SIPA1L3: variants seen among roughly 807,000 people sequenced by gnomAD.
SIPA1L3 encodes the protein signal induced proliferation associated 1 like 3.
In SIPA1L3, 59 loss-of-function variants were observed where a neutral mutation model predicts 150.1. The observed-to-expected ratio is 0.39, with a 90% CI of 0.32 to 0.49. The LOEUF (loss-of-function observed/expected upper bound fraction) is 0.49, where lower values mean the gene tolerates loss of function less well. Among genes scored for constraint, SIPA1L3 ranks in the 20% least tolerant of loss-of-function variants. SIPA1L3 has a pLI of 0.86. For missense variants in SIPA1L3, 2,211 were observed against 2,489.5 expected (o/e 0.89, Z 2.38); for synonymous variants, 1,070 against 1,077.6 (o/e 0.99, Z 0.14).
chr19:38,111,759 C>A (rs930613391), intron 8 of SIPA1L3, among the ~76,000 whole-genome samples: 1 of 152,252 alleles, frequency 6.6e-6, no homozygotes, highest in African/African-American at 2.4e-5. Flanking sequence ...GGCCACCTCT[C>A]CCCCTGCCCA....
At chr19:38,141,871 G>A (rs772068647) in intron 11 of SIPA1L3, among the ~76,000 whole-genome samples, 20 of 152,188 alleles carry the variant, frequency 1.3e-4, no homozygotes, top group Non-Finnish European at 2.8e-4. Flanking sequence ...GGTCCCAGCT[G>A]CCCAAGAGGC....
chr19:37,929,759 C>T (rs1205553979), intron 1 of SIPA1L3, among the ~76,000 whole-genome samples: 1 of 152,168 alleles, frequency 6.6e-6, no homozygotes, highest in Non-Finnish European at 1.5e-5. Context: ...GTGCTTACCC[C>T]CAGGGGCCAG....
At chr19:37,923,758 T>G (rs998080290) in intron 1 of SIPA1L3, among the ~76,000 whole-genome samples, 5 of 149,818 alleles carry the variant, frequency 3.3e-5, no homozygotes, top group Non-Finnish European at 3.0e-5. Context: ...CTGTTTGGGT[T>G]TTTTTTTTTT....
chr19:38,183,650 G>C (rs1330394565), intron 16 of SIPA1L3, among the ~76,000 whole-genome samples: 1 of 152,244 alleles, frequency 6.6e-6, no homozygotes, highest in Admixed American at 6.5e-5. Flanking sequence ...GGTCAGGCTG[G>C]AGGGAGAACT....
intron 2 of SIPA1L3, among the ~76,000 whole-genome samples, chr19:38,067,841 C>T (rs867147825): frequency 1.3e-5 from 2 of 152,010 alleles, no homozygotes; most frequent in African/African-American, 2.4e-5. Context: ...CTTTCACAGC[C>T]GTGGCTGAGA....
chr19:37,991,368 A>T (rs1343441371), intron 1 of SIPA1L3, among the ~76,000 whole-genome samples: 2 of 152,340 alleles, frequency 1.3e-5, no homozygotes, highest in African/African-American at 4.8e-5. Context: ...AGATGGCTGG[A>T]CAGGGCCAAA....
intron 1 of SIPA1L3, among the ~76,000 whole-genome samples, chr19:37,911,090 T>C (rs894716186): frequency 1.3e-5 from 2 of 152,062 alleles, no homozygotes; most frequent in Non-Finnish European, 2.9e-5. Flanking sequence ...TCGCCAGAGA[T>C]AACCATTTAT....
chr19:38,116,273 T>C (rs986689194), intron 8 of SIPA1L3, among the ~76,000 whole-genome samples: 13 of 150,152 alleles, frequency 8.7e-5, no homozygotes, highest in Non-Finnish European at 7.4e-5. Context: ...ACTTTGGAAG[T>C]CCGAGGCGGG....
At chr19:37,908,556 T>A (rs1013040594) in intron 1 of SIPA1L3, among the ~76,000 whole-genome samples, 1 of 152,058 alleles carries the variant, frequency 6.6e-6, no homozygotes, top group Non-Finnish European at 1.5e-5. Context: ...TCATGTTTAG[T>A]GCTTTGCACA....
chr19:37,999,793 G>T (rs1234974642), intron 1 of SIPA1L3, among the ~76,000 whole-genome samples: 9 of 152,200 alleles, frequency 5.9e-5, no homozygotes, highest in African/African-American at 2.2e-4. Flanking sequence ...CTGGAGAGGA[G>T]TATGAAAAAT....
In SIPA1L3 at chr19:38,164,036, C is replaced by G. The variant is rs1321578700; in HGVS notation, c.3781-443C>G. On this transcript the variant is annotated intron_variant, in intron 14 of 21. Transcript: ENST00000222345. This position sits in a 1 kb window ranked among gnomAD's most constrained non-coding sequence, Gnocchi z 4.1. ...GAGCAGGAAGTGACAGGTCCCGGAT[C>G]TGTGTTGAGGACGCGGGCAGCAGGG... 6.6e-6 allele frequency among the ~76,000 whole-genome samples: 1 copy of G among 152,180 alleles called. No homozygotes were observed. The highest frequency in any genetic ancestry group is 1.5e-5 in the Non-Finnish European group (1 of 68,036).
At chr19:38,087,808 G>A (rs1423648756) in intron 3 of SIPA1L3, 2 of 152,238 alleles carry the variant, frequency 1.3e-5, no homozygotes, top group African/African-American at 4.8e-5. Context: ...CACAAGGTCA[G>A]GAGATCGGGA....
rs960180412 is a variant in SIPA1L3, at chr19:38,164,416, C to T, written c.3781-63C>T. 4.4e-5 allele frequency: 66 copies of T among 1,488,340 alleles called. No individual in the cohort carries two copies. The highest frequency in any genetic ancestry group is 5.6e-5 in the African/African-American group (4 of 71,938). 92.2% of individuals were successfully genotyped at this position (1,488,340 alleles called of 1,614,324 possible). A position where few individuals can be genotyped will look rare whatever the true frequency, so the allele number is the denominator to read the frequency against. On this transcript the variant is annotated intron_variant, in intron 14 of 21. Transcript: ENST00000222345. This position sits in a 1 kb window ranked among gnomAD's most constrained non-coding sequence, Gnocchi z 4.1. The stretch of plus-strand genomic sequence containing the variant: ...TTCAGGCCCAGGCAGAGGGAGGACC[C>T]GGCAAGGGAAGATGCGCCCCTGCCC...
chr19:38,129,342 G>A (rs914399985), intron 9 of SIPA1L3, among the ~76,000 whole-genome samples: 10 of 151,988 alleles, frequency 6.6e-5, no homozygotes, highest in Admixed American at 5.9e-4. Context: ...ATGGTGTCAC[G>A]AGGCCGGGCA....
chr19:38,193,748 C>T lies in SIPA1L3; in HGVS notation c.4808C>T (p.Pro1603Leu). 6.4e-7 allele frequency: 1 copy of T among 1,572,920 alleles called. No individual in the cohort carries two copies. Among genetic ancestry groups the T allele is most frequent in the East Asian group, 2.3e-5 (1 of 43,494 alleles). Residue 1603 changes from proline to leucine, a missense_variant, in exon 18 of 22, where the codon CCT becomes CTT. Pro to Leu is a moderately conservative substitution (Grantham distance 98, BLOSUM62 -3). Transcript: ENST00000222345. The stretch of plus-strand genomic sequence containing the variant: ...CCGCCCGTCGGCCCCGGTGCCACCC[C>T]TGCCGCCGGCAGCGGCTTTCCCGAG... ...PHPPVGPGAT[P>L]AAGSGFPEKK... is the part of the protein sequence containing the mutation.
At chr19:37,944,130 T>C (rs888362182) in intron 1 of SIPA1L3, among the ~76,000 whole-genome samples, 1 of 151,800 alleles carries the variant, frequency 6.6e-6, no homozygotes, top group Admixed American at 6.6e-5. Context: ...TAAAAAAAAT[T>C]AGCCAGGTGC....
At chr19:37,999,134 C>A (rs553268358) in intron 1 of SIPA1L3, among the ~76,000 whole-genome samples, 2 of 152,270 alleles carry the variant, frequency 1.3e-5, no homozygotes, top group Admixed American at 1.3e-4. Flanking sequence ...CCTTGCAGTT[C>A]TTCGTTCATC....
intron 7 of SIPA1L3, chr19:38,110,015 A>C: frequency 1.8e-6 from 1 of 548,916 alleles, no homozygotes; most frequent in Non-Finnish European, 3.3e-6. Flanking sequence ...GCTTCGAGGA[A>C]GTGTTTCTGG....
At chr19:38,005,030 TCCGGACTAACCGGGG>T (rs1319429318) in intron 1 of SIPA1L3, among the ~76,000 whole-genome samples, 8 of 152,074 alleles carry the variant, frequency 5.3e-5, no homozygotes, top group African/African-American at 1.7e-4. Flanking sequence ...GATGTCTCCC[TCCGGACTAACCGGGG>T]CCGAGGAAAG....
Sources: allele counts gnomAD v4.1 joint callset (sites outside exome capture counted in the v4.1 genomes callset), GRCh38; gene constraint gnomAD v4.1.1; non-coding constraint Gnocchi (gnomAD v3.1); transcripts MANE v1.5; gene names NCBI Gene and HGNC (gene_info 2026-07-23, HGNC 2026-07-21).